SLC36A4: variants seen among roughly 807,000 people sequenced by gnomAD.
SLC36A4 encodes the protein solute carrier family 36 member 4.
In SLC36A4, 49 loss-of-function variants were observed where a neutral mutation model predicts 50.5. The ratio of observed to expected loss-of-function variants is 0.97; its 90% CI spans 0.77 to 1.23. The LOEUF (loss-of-function observed/expected upper bound fraction) is 1.23, where lower values mean the gene tolerates loss of function less well. Among genes scored for constraint, SLC36A4 ranks in the 50% most tolerant of loss-of-function variants. The pLI, the probability that SLC36A4 is intolerant of heterozygous loss-of-function variation, is 0.00. For missense variants in SLC36A4, 611 were observed against 608.4 expected (o/e 1.00, Z -0.05); for synonymous variants, 207 against 206.5 (o/e 1.00, Z -0.02).
At chr11:93,177,129 T>C (rs965012109) in intron 6 of SLC36A4, among the ~76,000 whole-genome samples, 3 of 152,200 alleles carry the variant, frequency 2.0e-5, no homozygotes, top group Non-Finnish European at 2.9e-5. Context: ...TAGTTCCATA[T>C]TTCTTGGAGG....
chr11:93,185,708 A>T lies in SLC36A4; in HGVS notation c.162T>A (p.Asp54Glu). The change falls in exon 2 of 11, where the codon GAT becomes GAA. Residue 54 changes from aspartate (D) to glutamate (E), a missense_variant. Transcript: ENST00000326402. ...LLPVQKHYQLDDQEGISFVQT... is the reference protein window; with the variant it reads ...LLPVQKHYQLEDQEGISFVQT... The stretch of plus-strand genomic sequence containing the variant: ...ACACTTACGAAATGCCCTCTTGATC[A>T]TCAAGTTGGTAATGCTTCTGAACAG... The T allele has an allele frequency of 6.3e-7, 1 of 1,593,220 alleles. No homozygotes were observed. The highest frequency in any genetic ancestry group is 8.5e-7 in the Non-Finnish European group (1 of 1,174,460).
chr11:93,178,903 A>T (rs540904985), intron 6 of SLC36A4, among the ~76,000 whole-genome samples: 2 of 152,330 alleles, frequency 1.3e-5, no homozygotes, highest in Middle Eastern at 6.8e-3. Context: ...AGGAAGTCAA[A>T]CTGTCCCTGT....
At position 93,146,430 on chromosome 11, in the gene SLC36A4, C is replaced by G. The variant is rs1859845501; in HGVS notation, c.*2107G>C. On this transcript the variant is annotated 3_prime_UTR_variant, in exon 11 of 11. Transcript: ENST00000326402. The stretch of plus-strand genomic sequence containing the variant: ...AAGATTCGTTTTCCTATAACTTCTT[C>G]TGCATTCTCTTAGTATGACTAAAGG... 6.6e-6 allele frequency: 1 copy of G among 151,970 alleles called. No homozygotes were observed. Among genetic ancestry groups the G allele is most frequent in the Non-Finnish European group, 1.5e-5 (1 of 67,940 alleles). 9.4% of individuals were successfully genotyped at this position (151,970 alleles called of 1,614,324 possible).
intron 10 of SLC36A4, among the ~76,000 whole-genome samples, chr11:93,149,559 G>T (rs751605858): frequency 1.5e-4 from 23 of 151,912 alleles, no homozygotes; most frequent in Non-Finnish European, 2.1e-4. Context: ...CACTTCTGTG[G>T]GATTCTTGTT....
At chr11:93,150,957 T>C (rs926935972) in intron 10 of SLC36A4, among the ~76,000 whole-genome samples, 3 of 152,048 alleles carry the variant, frequency 2.0e-5, no homozygotes, top group Admixed American at 6.6e-5. Context: ...TGAAATATTG[T>C]TGGAAAACTA....
rs1012357888 is a variant in SLC36A4 at position 93,144,228 on chromosome 11, C to T, written c.*4309G>A. On this transcript the variant is annotated 3_prime_UTR_variant, in exon 11 of 11. Transcript: ENST00000326402. ...GAAAAGTTACAACACTTTAAGACAG[C>T]GTTTTTCATATTCTGTTATAAAGAA... 1.3e-5 allele frequency: 2 copies of T among 151,934 alleles called. No individual in the cohort carries two copies. Among genetic ancestry groups the T allele is most frequent in the Non-Finnish European group, 2.9e-5 (2 of 67,960 alleles). The allele number at this position is 151,934 out of a possible 1,614,324, so 9.4% of individuals were successfully genotyped here. A position where few individuals can be genotyped will look rare whatever the true frequency, so the allele number is the denominator to read the frequency against.
rs2134616051 is a variant in SLC36A4 at position 93,146,200 on chromosome 11, CA to C, written c.*2336del. ...GATCAATTTTATTCAAATTTCATTG[CA>C]TTTGATGAATTCCTTAAGGAAAATA... On this transcript the variant is annotated 3_prime_UTR_variant, in exon 11 of 11. Transcript: ENST00000326402. 1 of 152,072 alleles carries C rather than the reference CA, an allele frequency of 6.6e-6. No homozygotes were observed. Among genetic ancestry groups the C allele is most frequent in the Non-Finnish European group, 1.5e-5 (1 of 67,918 alleles). 9.4% of individuals were successfully genotyped at this position (152,072 alleles called of 1,614,324 possible).
chr11:93,148,407 A>G lies in SLC36A4; in HGVS notation c.*130T>C, dbSNP rs1323489068. ...TGGTAAAGAGTTATGATTACTTCCAAAATATTAATATCGTGCCAAAGAAAA... is the reference window on the plus strand; with the variant it reads ...TGGTAAAGAGTTATGATTACTTCCAGAATATTAATATCGTGCCAAAGAAAA... On this transcript the variant is annotated 3_prime_UTR_variant, in exon 11 of 11. Coordinates refer to ENST00000326402, the MANE Select transcript of SLC36A4 (RefSeq NM_152313.4). The G allele has an allele frequency of 1.9e-5, 16 of 852,600 alleles. No homozygotes were observed. In the Admixed American group the frequency reaches 2.1e-4, roughly 11 times the overall value. 52.8% of individuals were successfully genotyped at this position (852,600 alleles called of 1,614,324 possible). A position where few individuals can be genotyped will look rare whatever the true frequency, so the allele number is the denominator to read the frequency against.
intron 6 of SLC36A4, among the ~76,000 whole-genome samples, chr11:93,168,603 C>A (rs893168170): frequency 2.0e-5 from 3 of 151,964 alleles, no homozygotes; most frequent in South Asian, 4.1e-4. Flanking sequence ...AGATAGGAAA[C>A]AAGCTCCAAT....
In SLC36A4 at chr11:93,159,971, T is replaced by C. The variant is rs999877204; in HGVS notation, c.1037+2735A>G. ...GTAACAGTCATTGGCTTTCATACTC[T>C]GCCAATAGAGTACACTGCACAATCT... On this transcript the variant is annotated intron_variant, in intron 9 of 10. Coordinates refer to ENST00000326402, the MANE Select transcript of SLC36A4 (RefSeq NM_152313.4). 7.1e-6 allele frequency: 7 copies of C among 985,300 alleles called. No individual in the cohort carries two copies. In the African/African-American group the frequency reaches 1.0e-4, roughly 15 times the overall value. 61.0% of individuals were successfully genotyped at this position (985,300 alleles called of 1,614,324 possible). A position where few individuals can be genotyped will look rare whatever the true frequency, so the allele number is the denominator to read the frequency against.
rs117708973 is a variant in SLC36A4, at chr11:93,161,021, G to A, written c.1037+1685C>T. The stretch of plus-strand genomic sequence containing the variant: ...TGCCTGGCTAATTTTTAAATTCTGT[G>A]TAGATTTGGAGTTTCACTATGTTAT... On this transcript the variant is annotated intron_variant, in intron 9 of 10. Transcript: ENST00000326402. Among the ~76,000 whole-genome samples, 835 of 152,032 alleles carry A rather than the reference G, an allele frequency of 5.5e-3. 3 individuals carry two copies. The highest frequency in any genetic ancestry group is 0.037 in the Middle Eastern group (11 of 294).
chr11:93,158,834 C>T (rs1392087399), intron 9 of SLC36A4, among the ~76,000 whole-genome samples: 1 of 152,148 alleles, frequency 6.6e-6, no homozygotes, highest in Non-Finnish European at 1.5e-5. Flanking sequence ...ACCCAGTAAA[C>T]CCTCTTTCTA....
intron 1 of SLC36A4, among the ~76,000 whole-genome samples, chr11:93,187,174 C>T (rs1862022819): frequency 6.6e-6 from 1 of 152,066 alleles, no homozygotes; most frequent in Non-Finnish European, 1.5e-5. Context: ...CTTTTATATG[C>T]TACTTTTGAG....
At chr11:93,151,184 A>G (rs1400632145) in intron 10 of SLC36A4, among the ~76,000 whole-genome samples, 2 of 152,008 alleles carry the variant, frequency 1.3e-5, no homozygotes, top group African/African-American at 4.8e-5. Flanking sequence ...ACTTTTAGCC[A>G]AATCCAACAT....
rs1436558874 is a variant in SLC36A4, at chr11:93,157,743, C to A, written c.1038-3466G>T. On this transcript the variant is annotated intron_variant, in intron 9 of 10. Transcript: ENST00000326402. The stretch of plus-strand genomic sequence containing the variant: ...GCAGCTTGAGACTTTGCTGAAGTTG[C>A]TTATCAGCTTAAGAAGCCTTTGGGC... Among the ~76,000 whole-genome samples, 2 of 152,152 alleles carry A rather than the reference C, an allele frequency of 1.3e-5. 1 individual carries two copies. Among genetic ancestry groups the A allele is most frequent in the South Asian group, 4.1e-4 (2 of 4,834 alleles).
intron 6 of SLC36A4, among the ~76,000 whole-genome samples, 188 bp from the exon 7 acceptor site, chr11:93,168,359 T>A (rs990542191): frequency 1.3e-5 from 2 of 152,098 alleles, no homozygotes; most frequent in Admixed American, 6.6e-5. Context: ...GTATCAAATA[T>A]AAGGATAACT....
intron 1 of SLC36A4, among the ~76,000 whole-genome samples, chr11:93,196,697 T>G (rs958022947): frequency 6.6e-6 from 1 of 152,192 alleles, no homozygotes; most frequent in Non-Finnish European, 1.5e-5. Context: ...GCTAAATATA[T>G]TATCCCTTTC....
intron 9 of SLC36A4, chr11:93,160,654 C>T: frequency 2.0e-6 from 2 of 985,358 alleles, no homozygotes; most frequent in Non-Finnish European, 2.4e-6. Context: ...TAATACAAAC[C>T]TTTCAATGTG....
chr11:93,192,528 C>T (rs1160090494), intron 1 of SLC36A4, among the ~76,000 whole-genome samples: 2 of 152,126 alleles, frequency 1.3e-5, no homozygotes, highest in Non-Finnish European at 2.9e-5. Flanking sequence ...ATTTACGTTA[C>T]ACAAATTTTT....
Sources: allele counts gnomAD v4.1 joint callset (sites outside exome capture counted in the v4.1 genomes callset), GRCh38; gene constraint gnomAD v4.1.1; transcripts MANE v1.5; gene names NCBI Gene and HGNC (gene_info 2026-07-23, HGNC 2026-07-21).